The following ZDHHC20 variants were observed in gnomAD, a reference collection of about 807,000 sequenced individuals.
ZDHHC20 encodes palmitoyltransferase ZDHHC20.
ZDHHC20 carries 43 observed loss-of-function variants against 57.8 expected under a neutral mutation model. That is an observed-to-expected ratio of 0.74 (90% CI 0.58 to 0.96). The LOEUF (loss-of-function observed/expected upper bound fraction) is 0.96, where lower values mean the gene tolerates loss of function less well. Among genes scored for constraint, ZDHHC20 ranks in the 40% least tolerant of loss-of-function variants. The probability of loss-of-function intolerance (pLI) is 0.00; values close to 1 mark genes in which losing one functional copy is unlikely to be tolerated. For missense variants in ZDHHC20, 391 were observed against 441.1 expected (o/e 0.89, Z 1.02); for synonymous variants, 157 against 153.0 (o/e 1.03, Z -0.19).
intron 3 of ZDHHC20, 37 bp from the exon 4 acceptor site, chr13:21,413,809 C>A: frequency 6.4e-7 from 1 of 1,552,626 alleles, no homozygotes; most frequent in South Asian, 1.2e-5. Flanking sequence ...TTTTTTTAAT[C>A]CCATGATGTT....
Position 21,376,637 on chromosome 13 carries a change from C to G in ZDHHC20, c.*59G>C, listed in dbSNP as rs767274599. On this transcript the variant is annotated 3_prime_UTR_variant, in exon 13 of 13. Transcript: ENST00000400590. Reference sequence around the variant, plus strand: ...GCAAATGAAAATTGAAAATACCAGTCTATAATGTTTTCATACACCTACAAA... The same window carrying G: ...GCAAATGAAAATTGAAAATACCAGTGTATAATGTTTTCATACACCTACAAA... 2.1e-6 allele frequency: 3 copies of G among 1,402,956 alleles called. No homozygotes were observed. The African/African-American group carries it at 4.4e-5, about 21-fold the overall frequency. The allele number at this position is 1,402,956 out of a possible 1,614,324, so 86.9% of individuals were successfully genotyped here. A position where few individuals can be genotyped will look rare whatever the true frequency, so the allele number is the denominator to read the frequency against.
intron 2 of ZDHHC20, among the ~76,000 whole-genome samples, chr13:21,423,506 T>A (rs1880882238): frequency 6.6e-6 from 1 of 151,932 alleles, no homozygotes; most frequent in South Asian, 2.1e-4. Context: ...TAGAACTCCA[T>A]CTCTACCAAT....
At chr13:21,446,222 G>A (rs932250749) in intron 1 of ZDHHC20, among the ~76,000 whole-genome samples, 2 of 152,138 alleles carry the variant, frequency 1.3e-5, no homozygotes, top group East Asian at 3.8e-4. Context: ...TTAGCTCTTC[G>A]GGGGATAAGG....
At chr13:21,406,567 A>G (rs1370683933) in intron 4 of ZDHHC20, among the ~76,000 whole-genome samples, 2 of 144,134 alleles carry the variant, frequency 1.4e-5, no homozygotes, top group Non-Finnish European at 3.0e-5. Flanking sequence ...CCAGTGTGTG[A>G]TGTTCCCCTC....
At chr13:21,413,993 T>G (rs1330469935) in intron 3 of ZDHHC20, among the ~76,000 whole-genome samples, 1 of 152,188 alleles carries the variant, frequency 6.6e-6, no homozygotes, top group Admixed American at 6.5e-5. Flanking sequence ...GCAAAGAATA[T>G]GAACTAAATA....
chr13:21,379,825 C>CTTTCTTTT (rs1555253665), intron 11 of ZDHHC20, among the ~76,000 whole-genome samples: 1 of 137,732 alleles, frequency 7.3e-6, no homozygotes, highest in Non-Finnish European at 1.5e-5. Flanking sequence ...TTTCTTTTTT[C>CTTTCTTTT]TTTTTTTTTG....
Position 21,376,588 on chromosome 13 carries a change from T to C in ZDHHC20, c.*108A>G, listed in dbSNP as rs758897939. 4.3e-5 allele frequency: 55 copies of C among 1,277,570 alleles called. 1 individual carries two copies. Among genetic ancestry groups the C allele is most frequent in the Non-Finnish European group, 5.8e-5 (55 of 942,104 alleles). 79.1% of individuals were successfully genotyped at this position (1,277,570 alleles called of 1,614,324 possible). On this transcript the variant is annotated 3_prime_UTR_variant, in exon 13 of 13. Coordinates refer to ENST00000400590, the MANE Select transcript of ZDHHC20 (RefSeq NM_001330059.2). The stretch of plus-strand genomic sequence containing the variant: ...TATATCTTCTGTTATACTTCAGTTA[T>C]TTCATTCCACTGATCATTTTCTTGC...
intron 1 of ZDHHC20, among the ~76,000 whole-genome samples, chr13:21,436,475 A>C (rs1475556012): frequency 6.6e-6 from 1 of 152,206 alleles, no homozygotes; most frequent in Admixed American, 6.5e-5. Context: ...TAATTCTCAC[A>C]GTATTTCAAC....
At chr13:21,449,747 C>T (rs1013815230) in intron 1 of ZDHHC20, among the ~76,000 whole-genome samples, 7 of 151,538 alleles carry the variant, frequency 4.6e-5, no homozygotes, top group East Asian at 1.9e-4. Flanking sequence ...AGGGTTCAAG[C>T]GATTCTCCTG....
chr13:21,382,773 C>T, intron 10 of ZDHHC20, 147 bp downstream of exon 10: 1 of 582,206 alleles, frequency 1.7e-6, no homozygotes, highest in Non-Finnish European at 2.9e-6. Flanking sequence ...TTTATTAAAC[C>T]TCAGTTAAAA....
At chr13:21,398,575 A>C (rs1877168871) in intron 7 of ZDHHC20, among the ~76,000 whole-genome samples, 1 of 152,246 alleles carries the variant, frequency 6.6e-6, no homozygotes, top group African/African-American at 2.4e-5. Context: ...ACATGTAAAG[A>C]AAGCTCATTT....
intron 1 of ZDHHC20, among the ~76,000 whole-genome samples, chr13:21,443,022 T>C (rs1883336387): frequency 6.6e-6 from 1 of 152,194 alleles, no homozygotes; most frequent in African/African-American, 2.4e-5. Context: ...AATTTCTTAT[T>C]TCTACCAGTG....
chr13:21,409,492 TTC>T (rs1878914180), intron 4 of ZDHHC20, among the ~76,000 whole-genome samples: 1 of 152,240 alleles, frequency 6.6e-6, no homozygotes, highest in Non-Finnish European at 1.5e-5. Flanking sequence ...TATTTGATTC[TTC>T]TCTCTTTTAT....
intron 10 of ZDHHC20, among the ~76,000 whole-genome samples, chr13:21,382,622 T>G (rs990985818): frequency 1.3e-5 from 2 of 152,208 alleles, no homozygotes; most frequent in Admixed American, 6.5e-5. Flanking sequence ...TGAAAGGTCT[T>G]AGTTGCTCCC....
chr13:21,378,764 ATGAC>A (rs1250939753), intron 11 of ZDHHC20, 26 bp from the exon 12 acceptor site: 1 of 1,090,152 alleles, frequency 9.2e-7, no homozygotes, highest in Non-Finnish European at 1.2e-6. Context: ...TATATATGAC[ATGAC>A]AAAAAAAAAA....
chr13:21,451,362 C>T (rs1170414859), intron 1 of ZDHHC20, among the ~76,000 whole-genome samples: 1 of 152,094 alleles, frequency 6.6e-6, no homozygotes, highest in Non-Finnish European at 1.5e-5. Context: ...CAATTCAATT[C>T]AAGTTATATT....
At chr13:21,407,950 A>G (rs889593616) in intron 4 of ZDHHC20, among the ~76,000 whole-genome samples, 3 of 152,068 alleles carry the variant, frequency 2.0e-5, no homozygotes, top group Non-Finnish European at 4.4e-5. Flanking sequence ...GTTATTTCTG[A>G]GGCCTCTGTT....
At chr13:21,409,132 T>A (rs1163474827) in intron 4 of ZDHHC20, among the ~76,000 whole-genome samples, 2 of 152,226 alleles carry the variant, frequency 1.3e-5, no homozygotes, top group Non-Finnish European at 2.9e-5. Flanking sequence ...TAAAATGAGT[T>A]AGGGAGGAGT....
intron 2 of ZDHHC20, among the ~76,000 whole-genome samples, chr13:21,421,799 C>T (rs569257558): frequency 2.0e-5 from 3 of 152,222 alleles, no homozygotes; most frequent in South Asian, 4.1e-4. Flanking sequence ...GTACTGATTT[C>T]TTTAAGAAGC....
Sources: gnomAD v4.1 joint callset for allele counts (sites outside exome capture counted in the v4.1 genomes callset) on GRCh38, gnomAD v4.1.1 for gene constraint, MANE v1.5 for transcripts, NCBI Gene and HGNC (gene_info 2026-07-23, HGNC 2026-07-21) for gene names.